SPOCK1: variants seen among roughly 807,000 people sequenced by gnomAD.
SPOCK1 encodes the protein testican-1.
A neutral mutation model predicts 55.3 loss-of-function variants in SPOCK1; 23 were observed. That is an observed-to-expected ratio of 0.42 (90% CI 0.30 to 0.59). The LOEUF is 0.59. Ranked by LOEUF, SPOCK1 falls within the 20% of genes least tolerant of loss-of-function variation. The pLI is 0.22. For missense variants in SPOCK1, 499 were observed against 552.5 expected, an observed-to-expected ratio of 0.90 and a Z score of 0.97; for synonymous variants, 226 against 221.0, an observed-to-expected ratio of 1.02 and a Z score of -0.20.
At chr5:136,982,470 CTACT>C (rs1750751277) in intron 9 of SPOCK1, among the ~76,000 whole-genome samples, 1 of 152,244 alleles carries the variant, frequency 6.6e-6, no homozygotes, top group East Asian at 1.9e-4. Flanking sequence ...TATCTGTTTC[CTACT>C]TACTAAGTTT....
rs548536389 is a variant in SPOCK1 at position 137,064,485 on chromosome 5, C to T, written c.589+3230G>A. ...CACAGAAATAAGACAGCTCCTCCTA[C>T]GGTCCAGAGCCACAATGTGTCTCAG... On this transcript the variant is annotated intron_variant, in intron 6 of 10. Coordinates refer to ENST00000394945, the MANE Select transcript of SPOCK1 (RefSeq NM_004598.4). 7.9e-5 allele frequency among the ~76,000 whole-genome samples: 12 copies of T among 152,288 alleles called. No individual in the cohort carries two copies. The South Asian group carries it at 8.3e-4, about 11-fold the overall frequency.
At chr5:137,288,060 C>A (rs1757299797) in intron 2 of SPOCK1, among the ~76,000 whole-genome samples, 2 of 152,178 alleles carry the variant, frequency 1.3e-5, no homozygotes, top group Non-Finnish European at 2.9e-5. Flanking sequence ...TGAGCTGTAA[C>A]AGTTCCAGAG....
intron 3 of SPOCK1, among the ~76,000 whole-genome samples, chr5:137,257,296 C>T (rs1415923561): frequency 1.3e-5 from 2 of 152,192 alleles, no homozygotes; most frequent in Non-Finnish European, 2.9e-5. Context: ...TGTGTCCCCC[C>T]CCAAAATTTA....
At chr5:137,154,551 C>A (rs1335336972) in intron 3 of SPOCK1, among the ~76,000 whole-genome samples, 4 of 152,144 alleles carry the variant, frequency 2.6e-5, no homozygotes, top group Admixed American at 1.3e-4. Flanking sequence ...TGGACCAGGA[C>A]CAGGAAGTAT....
At chr5:137,404,898 C>T (rs1041434775) in intron 2 of SPOCK1, among the ~76,000 whole-genome samples, 1 of 152,150 alleles carries the variant, frequency 6.6e-6, no homozygotes, top group African/African-American at 2.4e-5. Flanking sequence ...GTTACGTTTC[C>T]AGGTGCTTAT....
intron 3 of SPOCK1, among the ~76,000 whole-genome samples, chr5:137,257,850 T>C (rs572335320): frequency 1.2e-4 from 18 of 152,198 alleles, no homozygotes; most frequent in Admixed American, 2.0e-4. Flanking sequence ...CTCAAACACA[T>C]CCTTTGAGTG....
At chr5:136,986,142 T>C (rs554885101) in intron 8 of SPOCK1, among the ~76,000 whole-genome samples, 5 of 152,288 alleles carry the variant, frequency 3.3e-5, no homozygotes, top group African/African-American at 9.6e-5. Flanking sequence ...TGACTTCTTG[T>C]TTTAAGATGC....
chr5:137,450,607 G>A (rs1753235360), intron 2 of SPOCK1, among the ~76,000 whole-genome samples: 1 of 152,162 alleles, frequency 6.6e-6, no homozygotes, highest in Admixed American at 6.6e-5. Flanking sequence ...TTTAACAAGA[G>A]GCCTCATATT....
chr5:137,490,694 T>C (rs1327908967), intron 2 of SPOCK1, among the ~76,000 whole-genome samples: 2 of 152,198 alleles, frequency 1.3e-5, no homozygotes, highest in African/African-American at 4.8e-5. Flanking sequence ...ATAACTTGGA[T>C]TTCAGACACA....
At chr5:137,367,661 C>A (rs1157531050) in intron 2 of SPOCK1, among the ~76,000 whole-genome samples, 1 of 152,212 alleles carries the variant, frequency 6.6e-6, no homozygotes, top group Non-Finnish European at 1.5e-5. Context: ...TCTTTGCCCA[C>A]ACTCTTTAAT....
chr5:137,326,312 T>C (rs1196028852), intron 2 of SPOCK1, among the ~76,000 whole-genome samples: 1 of 152,180 alleles, frequency 6.6e-6, no homozygotes, highest in Non-Finnish European at 1.5e-5. Context: ...CTGCAGACTT[T>C]AAGAAATCAG....
At chr5:137,425,691 T>C (rs1182841516) in intron 2 of SPOCK1, among the ~76,000 whole-genome samples, 8 of 152,214 alleles carry the variant, frequency 5.3e-5, no homozygotes, top group Non-Finnish European at 1.0e-4. Context: ...CCCTGCATTT[T>C]ACCAGAGAGT....
chr5:137,213,280 G>A (rs954752791), intron 3 of SPOCK1, among the ~76,000 whole-genome samples: 8 of 152,124 alleles, frequency 5.3e-5, no homozygotes, highest in African/African-American at 1.9e-4. Flanking sequence ...GGCTTAGAGA[G>A]GATAAGCAAC....
chr5:137,432,855 C>T (rs1314451207), intron 2 of SPOCK1, among the ~76,000 whole-genome samples: 1 of 152,136 alleles, frequency 6.6e-6, no homozygotes, highest in Non-Finnish European at 1.5e-5. Context: ...TTCAGTAACT[C>T]GGTAAGTTGT....
chr5:137,302,600 A>G (rs1181596724), intron 2 of SPOCK1, among the ~76,000 whole-genome samples: 1 of 150,926 alleles, frequency 6.6e-6, no homozygotes, highest in Non-Finnish European at 1.5e-5. Flanking sequence ...ATAAATAAAT[A>G]AATAAATAAA....
chr5:137,233,409 T>G (rs1375304184), intron 3 of SPOCK1, among the ~76,000 whole-genome samples: 1 of 152,162 alleles, frequency 6.6e-6, no homozygotes, highest in Non-Finnish European at 1.5e-5. Flanking sequence ...ACAGGGTTCA[T>G]GTGCCTATGA....
At chr5:137,400,692 G>T (rs1751955065) in intron 2 of SPOCK1, among the ~76,000 whole-genome samples, 1 of 152,192 alleles carries the variant, frequency 6.6e-6, no homozygotes, top group African/African-American at 2.4e-5. Context: ...GGTCCTTGCA[G>T]GGCCCTCAGC....
chr5:137,036,403 T>C (rs1171826018), intron 6 of SPOCK1, among the ~76,000 whole-genome samples: 2 of 152,098 alleles, frequency 1.3e-5, no homozygotes, highest in East Asian at 3.9e-4. Flanking sequence ...TCTCTGATGA[T>C]CCCATCTGCT....
At chr5:137,038,883 A>G (rs1371350246) in intron 6 of SPOCK1, among the ~76,000 whole-genome samples, 1 of 152,210 alleles carries the variant, frequency 6.6e-6, no homozygotes, top group Non-Finnish European at 1.5e-5. Context: ...GCATGTCTGT[A>G]TTCATCAGTA....
Sources: allele counts gnomAD v4.1 joint callset (sites outside exome capture counted in the v4.1 genomes callset), GRCh38; gene constraint gnomAD v4.1.1; transcripts MANE v1.5; gene names NCBI Gene and HGNC (gene_info 2026-07-23, HGNC 2026-07-21).